Variants in SOX6 observed in about 807,000 individuals in gnomAD.
SOX6 encodes the protein transcription factor SOX-6.
SOX6 carries 11 observed loss-of-function variants against 97.8 expected under a neutral mutation model. The observed-to-expected ratio is 0.11, with a 90% CI of 0.07 to 0.19. SOX6 has a LOEUF of 0.19. SOX6 is among the 10% of genes least tolerant of loss of function. The pLI, the probability that SOX6 is intolerant of heterozygous loss-of-function variation, is 1.00. For synonymous variants in SOX6, 360 were observed against 371.4 expected, an observed-to-expected ratio of 0.97 and a Z score of 0.35; for missense variants, 810 against 1,039.5, an observed-to-expected ratio of 0.78 and a Z score of 3.04.
intron 10 of SOX6, among the ~76,000 whole-genome samples, chr11:16,053,375 A>G (rs983244397): frequency 6.6e-6 from 1 of 152,084 alleles, no homozygotes. Flanking sequence ...CTAGGTGTTT[A>G]TTTAGGATCT....
intron 4 of SOX6, among the ~76,000 whole-genome samples, chr11:16,209,863 A>G (rs572799541): frequency 6.6e-6 from 1 of 152,336 alleles, no homozygotes; most frequent in East Asian, 1.9e-4. Context: ...ACTAGCTCCA[A>G]TACTTACTAG....
At chr11:16,203,475 C>T (rs1851991957) in intron 4 of SOX6, among the ~76,000 whole-genome samples, 1 of 152,040 alleles carries the variant, frequency 6.6e-6, no homozygotes. Context: ...TGAATTCAGA[C>T]AAAACACTTT....
At chr11:16,028,093 T>C (rs1855261336) in intron 12 of SOX6, among the ~76,000 whole-genome samples, 1 of 152,244 alleles carries the variant, frequency 6.6e-6, no homozygotes. Flanking sequence ...TTTGAGTCAA[T>C]GTGTGCAAAC....
intron 1 of SOX6, 105 bp from the exon 2 acceptor site, chr11:16,341,357 T>C: frequency 6.8e-7 from 1 of 1,472,594 alleles, no homozygotes; most frequent in Non-Finnish European, 9.0e-7. Context: ...TATTTAACTT[T>C]AGAGATATTT....
At chr11:16,436,675 A>G (rs1289940933) in intron 1 of SOX6, among the ~76,000 whole-genome samples, 2 of 152,188 alleles carry the variant, frequency 1.3e-5, no homozygotes, top group Admixed American at 6.5e-5. Context: ...TAGGTTTTGT[A>G]ATAATAATAT....
chr11:16,710,675 T>C (rs759056861), intron 3 of SOX6, among the ~76,000 whole-genome samples: 5 of 152,218 alleles, frequency 3.3e-5, no homozygotes, highest in Non-Finnish European at 7.3e-5. Flanking sequence ...GCCAGAGCCA[T>C]CTGAAATCTA....
At chr11:16,132,434 A>G (rs1590216747) in intron 6 of SOX6, among the ~76,000 whole-genome samples, 1 of 93,288 alleles carries the variant, frequency 1.1e-5, no homozygotes, top group Admixed American at 1.3e-4. Flanking sequence ...AGAAAGAAAG[A>G]AAGAAAGAAA....
At chr11:16,722,206 A>G (rs1054588112) in intron 2 of SOX6, among the ~76,000 whole-genome samples, 6 of 152,356 alleles carry the variant, frequency 3.9e-5, no homozygotes, top group African/African-American at 1.2e-4. Flanking sequence ...CACAGCGAAA[A>G]AAAACTATAT....
chr11:16,397,466 G>A (rs1465606813), intron 1 of SOX6: 2 of 151,838 alleles, frequency 1.3e-5, no homozygotes, highest in Non-Finnish European at 3.0e-5. Flanking sequence ...ACCAAGCTCT[G>A]CCATTCCACC....
chr11:16,492,169 C>T (rs545937973), intron 4 of SOX6, among the ~76,000 whole-genome samples: 3 of 152,250 alleles, frequency 2.0e-5, no homozygotes, highest in Admixed American at 2.0e-4. Context: ...ATATTAAGCA[C>T]TTCTGTTCGT....
intron 2 of SOX6, among the ~76,000 whole-genome samples, chr11:16,719,721 C>T (rs11024023): frequency 0.16 from 24,780 of 151,978 alleles, 2,664 homozygotes; most frequent in East Asian, 0.32. Context: ...TCCAGGAGTT[C>T]GAGGCTAGCC....
At chr11:16,548,475 A>AATG (rs761574109) in intron 4 of SOX6, among the ~76,000 whole-genome samples, 1 of 152,164 alleles carries the variant, frequency 6.6e-6, no homozygotes, top group Non-Finnish European at 1.5e-5. Context: ...ATGAAGCCAC[A>AATG]ATGGGCCATA....
intron 7 of SOX6, among the ~76,000 whole-genome samples, chr11:16,106,466 A>C (rs1435410204): frequency 2.0e-5 from 3 of 152,014 alleles, no homozygotes; most frequent in African/African-American, 7.2e-5. Flanking sequence ...ACAAAGGTGC[A>C]AAAACCATTG....
At chr11:16,499,625 A>G (rs1050474125) in intron 4 of SOX6, among the ~76,000 whole-genome samples, 1 of 152,090 alleles carries the variant, frequency 6.6e-6, no homozygotes, top group African/African-American at 2.4e-5. Flanking sequence ...CGATAAAAGG[A>G]ATATCACCAC....
intron 3 of SOX6, among the ~76,000 whole-genome samples, chr11:16,298,376 A>T (rs10741696): frequency 0.56 from 84,776 of 151,960 alleles, 23,947 homozygotes; most frequent in South Asian, 0.68. Context: ...CTAAAATGTA[A>T]GGAATTTTTC....
At chr11:16,125,910 C>G (rs1404936256) in intron 6 of SOX6, among the ~76,000 whole-genome samples, 1 of 150,626 alleles carries the variant, frequency 6.6e-6, no homozygotes, top group African/African-American at 2.4e-5. Flanking sequence ...TAACTAATTG[C>G]CATTATTCTC....
intron 3 of SOX6, among the ~76,000 whole-genome samples, chr11:16,249,415 C>T (rs1158873453): frequency 6.6e-6 from 1 of 152,204 alleles, no homozygotes; most frequent in East Asian, 1.9e-4. Context: ...TTCCTTATCT[C>T]CATCTGAGCC....
intron 3 of SOX6, among the ~76,000 whole-genome samples, chr11:16,251,481 A>AAGC (rs1853507394): frequency 6.6e-6 from 1 of 151,676 alleles, no homozygotes. Flanking sequence ...GAATAGTATG[A>AAGC]AGATTATGCT....
Position 16,705,264 on chromosome 11 carries a change from G to GA in SOX6, n.429+9565dup, listed in dbSNP as rs570406154. On this transcript the variant is annotated intron_variant and non_coding_transcript_variant, in intron 3 of 5. Transcript: ENST00000524520. Reference sequence around the variant, plus strand: ...CAGAGCAAGACTCTGTCTCAAAAAAGAAAAAAAAAAAGAAAGAAACTAGAA... The same window carrying GA: ...CAGAGCAAGACTCTGTCTCAAAAAAGAAAAAAAAAAAAGAAAGAAACTAGAA... Among the ~76,000 whole-genome samples the GA allele has an allele frequency of 8.6e-3, 1,169 of 135,984 alleles. 13 individuals carry two copies. Among genetic ancestry groups the GA allele is most frequent in the African/African-American group, 0.029 (1,085 of 37,146 alleles). The allele number at this position is 135,984 out of a possible 152,430, so 89.2% of individuals were successfully genotyped here.
Sources: gnomAD v4.1 joint callset for allele counts (sites outside exome capture counted in the v4.1 genomes callset) on GRCh38, gnomAD v4.1.1 for gene constraint, MANE v1.5 for transcripts, NCBI Gene and HGNC (gene_info 2026-07-23, HGNC 2026-07-21) for gene names.